Variants in TPST1 observed in about 807,000 individuals in gnomAD.
The protein encoded by TPST1 is tyrosylprotein sulfotransferase 1, also known as protein-tyrosine sulfotransferase 1.
A neutral mutation model predicts 34.8 loss-of-function variants in TPST1; 20 were observed. The observed-to-expected ratio is 0.57, with a 90% CI of 0.40 to 0.84. TPST1 has a LOEUF of 0.84. Ranked by LOEUF, TPST1 falls within the 40% of genes least tolerant of loss-of-function variation. TPST1 has a pLI of 0.00. For missense variants in TPST1, 353 were observed against 455.5 expected (o/e 0.78, Z 2.05); for synonymous variants, 152 against 159.4 (o/e 0.95, Z 0.35).
At chr7:66,277,560 G>T (rs1790843988) in intron 2 of TPST1, among the ~76,000 whole-genome samples, 1 of 151,986 alleles carries the variant, frequency 6.6e-6, no homozygotes, top group Non-Finnish European at 1.5e-5. Flanking sequence ...GGAATGATTT[G>T]GTGAGATGAA....
intron 3 of TPST1, among the ~76,000 whole-genome samples, chr7:66,305,594 T>C (rs1791406457): frequency 6.6e-6 from 1 of 152,216 alleles, no homozygotes; most frequent in Non-Finnish European, 1.5e-5. Context: ...AGTACCTGCC[T>C]TACTTGTCTT....
rs545988199 is a variant in TPST1 at position 66,351,483 on chromosome 7, A to G, written c.1045-1022A>G. Among the ~76,000 whole-genome samples, 6 of 152,318 alleles carry G rather than the reference A, an allele frequency of 3.9e-5. No individual in the cohort carries two copies. In the South Asian group the frequency reaches 1.2e-3, roughly 32 times the overall value. The stretch of plus-strand genomic sequence containing the variant: ...ACCCTACTGTCTTACTTATGGCTAT[A>G]TCATTAACTTAGCTAATGTTTAGAG... On this transcript the variant is annotated intron_variant, in intron 3 of 5. Coordinates refer to ENST00000304842, the MANE Select transcript of TPST1 (RefSeq NM_003596.4).
chr7:66,345,886 C>G (rs1792341848), intron 3 of TPST1, among the ~76,000 whole-genome samples: 1 of 152,036 alleles, frequency 6.6e-6, no homozygotes, highest in Non-Finnish European at 1.5e-5. Flanking sequence ...TGACTGTAGT[C>G]GCCGTGTTGT....
intron 3 of TPST1, among the ~76,000 whole-genome samples, chr7:66,342,508 G>A (rs1438060905): frequency 6.6e-6 from 1 of 152,224 alleles, no homozygotes; most frequent in African/African-American, 2.4e-5. Context: ...AGATGTGTTA[G>A]TCCATCTTGC....
intron 2 of TPST1, among the ~76,000 whole-genome samples, chr7:66,270,133 A>T (rs1206835816): frequency 6.6e-6 from 1 of 152,102 alleles, no homozygotes; most frequent in Non-Finnish European, 1.5e-5. Context: ...TACAGGAAGG[A>T]GTGCTCCAGG....
chr7:66,350,921 CTTAA>C (rs201465824), intron 3 of TPST1, among the ~76,000 whole-genome samples: 3,384 of 152,242 alleles, frequency 0.022, 63 homozygotes, highest in Non-Finnish European at 0.029. Flanking sequence ...AAACCACTGA[CTTAA>C]TTCATTTATT....
intron 3 of TPST1, among the ~76,000 whole-genome samples, chr7:66,310,946 C>T (rs552379478): frequency 6.6e-6 from 1 of 152,016 alleles, no homozygotes; most frequent in African/African-American, 2.4e-5. Flanking sequence ...CCACCTTGGC[C>T]TCCCAAAGTT....
chr7:66,323,444 A>G (rs118169573), intron 3 of TPST1, among the ~76,000 whole-genome samples: 2,114 of 152,166 alleles, frequency 0.014, 26 homozygotes, highest in Non-Finnish European at 0.021. Context: ...AGTTTTGCCC[A>G]GTGTTTTTTT....
intron 3 of TPST1, among the ~76,000 whole-genome samples, chr7:66,337,325 T>A (rs892929520): frequency 1.5e-5 from 2 of 134,634 alleles, no homozygotes; most frequent in East Asian, 2.2e-4. Context: ...TTTTTTTTTT[T>A]AAGACAGAGC....
intron 2 of TPST1, among the ~76,000 whole-genome samples, chr7:66,283,283 C>T (rs1433303225): frequency 2.6e-5 from 4 of 151,990 alleles, no homozygotes; most frequent in Non-Finnish European, 5.9e-5. Flanking sequence ...CAAAAAAAAC[C>T]CCAGGTTATC....
At chr7:66,323,362 C>T (rs1268901371) in intron 3 of TPST1, among the ~76,000 whole-genome samples, 3 of 150,796 alleles carry the variant, frequency 2.0e-5, no homozygotes, top group Non-Finnish European at 3.0e-5. Flanking sequence ...TTTAAATAAA[C>T]GTCCTTTATC....
At chr7:66,206,471 G>A (rs1789133491) in intron 1 of TPST1, among the ~76,000 whole-genome samples, 1 of 152,160 alleles carries the variant, frequency 6.6e-6, no homozygotes, top group Admixed American at 6.6e-5. Context: ...CCTGAAGAAT[G>A]GTATGGGAGA....
chr7:66,330,540 C>G (rs564412732), intron 3 of TPST1, among the ~76,000 whole-genome samples: 1 of 152,150 alleles, frequency 6.6e-6, no homozygotes, highest in South Asian at 2.1e-4. Context: ...CTAATTCATT[C>G]GGCACATTTT....
intron 1 of TPST1, among the ~76,000 whole-genome samples, chr7:66,237,636 T>TA (rs1789937130): frequency 1.3e-5 from 2 of 152,108 alleles, no homozygotes; most frequent in Non-Finnish European, 2.9e-5. Context: ...GGCAAACCAT[T>TA]AGGACTGGCT....
intron 3 of TPST1, among the ~76,000 whole-genome samples, chr7:66,348,155 GA>G (rs913521399): frequency 7.4e-5 from 11 of 149,584 alleles, no homozygotes; most frequent in South Asian, 4.2e-4. Context: ...GATGTAATAA[GA>G]AAAAAAAAAT....
rs1790016619 is a variant in TPST1, at chr7:66,240,804, G to T, written c.379G>T (p.Ala127Ser). The change falls in exon 2 of 6, where the codon GCT becomes TCT. Residue 127 changes from alanine (A) to serine (S), a missense_variant. By Grantham distance (99) the Ala-to-Ser change is moderately conservative. Transcript: ENST00000304842. Reference sequence around the variant, plus strand: ...TAAAGAGAAGATCCGCCTGGATGAGGCTGGTGTTACTGATGAAGTGCTGGA... The same window carrying T: ...TAAAGAGAAGATCCGCCTGGATGAGTCTGGTGTTACTGATGAAGTGCTGGA... The part of the protein sequence containing the change: ...SSKEKIRLDE[A>S]GVTDEVLDSA... 1 of 1,614,084 alleles carries T rather than the reference G, an allele frequency of 6.2e-7. No individual in the cohort carries two copies. Among genetic ancestry groups the T allele is most frequent in the Admixed American group, 1.7e-5 (1 of 59,998 alleles).
chr7:66,310,382 G>A (rs550456181), intron 3 of TPST1, among the ~76,000 whole-genome samples: 1 of 152,304 alleles, frequency 6.6e-6, no homozygotes, highest in South Asian at 2.1e-4. Context: ...AGGAAGATTA[G>A]GGCAGAGGCT....
chr7:66,309,791 G>A (rs1198662211), intron 3 of TPST1, among the ~76,000 whole-genome samples: 1 of 151,918 alleles, frequency 6.6e-6, no homozygotes, highest in African/African-American at 2.4e-5. Context: ...TGGGTGGAAT[G>A]ACCACTTGAC....
At chr7:66,246,398 A>C (rs923378007) in intron 2 of TPST1, among the ~76,000 whole-genome samples, 3 of 152,052 alleles carry the variant, frequency 2.0e-5, no homozygotes, top group Non-Finnish European at 4.4e-5. Context: ...GGAATTGAAT[A>C]AACAAGGGAT....
Sources: gnomAD v4.1 joint callset for allele counts (sites outside exome capture counted in the v4.1 genomes callset) on GRCh38, gnomAD v4.1.1 for gene constraint, MANE v1.5 for transcripts, NCBI Gene and HGNC (gene_info 2026-07-23, HGNC 2026-07-21) for gene names.